Variants in BAZ2B observed in about 807,000 individuals in gnomAD.
BAZ2B encodes bromodomain adjacent to zinc finger domain protein 2B.
A neutral mutation model predicts 246.0 loss-of-function variants in BAZ2B; 91 were observed. The ratio of observed to expected loss-of-function variants is 0.37; its 90% CI spans 0.31 to 0.44. The LOEUF is 0.44. BAZ2B is among the 20% of genes least tolerant of loss of function. The pLI is 1.00. For synonymous variants in BAZ2B, 855 were observed against 860.0 expected (o/e 0.99, Z 0.10); for missense variants, 2,332 against 2,533.7 (o/e 0.92, Z 1.71).
chr2:159,324,678 AC>A, intron 36 of BAZ2B, 132 bp downstream of exon 36: 2 of 220,848 alleles, frequency 9.1e-6, no homozygotes, highest in Non-Finnish European at 1.6e-5. Context: ...ACACACACAC[AC>A]ACACACACAC....
intron 13 of BAZ2B, among the ~76,000 whole-genome samples, chr2:159,425,549 A>G (rs1022340080): frequency 2.0e-5 from 3 of 152,232 alleles, no homozygotes; most frequent in Admixed American, 1.3e-4. Context: ...AAATGTAGAA[A>G]GCAAAAAAAA....
chr2:159,710,586 G>A, the BAZ2B span: 3 of 152,286 alleles, frequency 2.0e-5, no homozygotes, highest in South Asian at 4.1e-4. Context: ...AAATCAGAGA[G>A]AGTACATTAA....
At chr2:159,637,477 GA>G in the BAZ2B span, among the ~76,000 whole-genome samples, 9 of 152,366 alleles carry the variant, frequency 5.9e-5, no homozygotes, top group African/African-American at 2.2e-4. Flanking sequence ...GTGGAAAGGA[GA>G]GGAAACACTG....
intron 14 of BAZ2B, among the ~76,000 whole-genome samples, chr2:159,410,976 A>G (rs2066747030): frequency 6.6e-6 from 1 of 152,218 alleles, no homozygotes; most frequent in South Asian, 2.1e-4. Flanking sequence ...ATGTGTGTAC[A>G]TATTTCTGGA....
chr2:159,384,169 A>C (rs2062345197), intron 23 of BAZ2B, among the ~76,000 whole-genome samples: 1 of 152,052 alleles, frequency 6.6e-6, no homozygotes, highest in Non-Finnish European at 1.5e-5. Flanking sequence ...TTACCAGTAA[A>C]GTCAAATAGG....
At chr2:159,406,325 T>A (rs559669227) in intron 14 of BAZ2B, among the ~76,000 whole-genome samples, 25 of 152,320 alleles carry the variant, frequency 1.6e-4, no homozygotes, top group Admixed American at 5.9e-4. Flanking sequence ...AGGGAGCAGT[T>A]GACCCTACAA....
At chr2:159,383,489 G>A (rs2062249378) in intron 24 of BAZ2B, 117 bp downstream of exon 24, 3 of 875,702 alleles carry the variant, frequency 3.4e-6, no homozygotes, top group Middle Eastern at 2.5e-4. Context: ...TCTAAATTGA[G>A]CATTATCTTT....
Position 159,412,360 on chromosome 2 carries a change from C to A in BAZ2B, c.2652G>T (p.Lys884Asn), listed in dbSNP as rs570669800. Residue 884 changes from lysine to asparagine, a missense_variant, in exon 14 of 37, where the codon AAG becomes AAT. By Grantham distance (94) the Lys-to-Asn change is moderately conservative. Around this residue, in one of 9 missense-constraint regions of BAZ2B, gnomAD observed 651 missense variants for 650.9 expected, o/e 1.00. Coordinates refer to ENST00000392783, the MANE Select transcript of BAZ2B (RefSeq NM_013450.4). ...CTTGAGCTTGCAGTTTTCTTAGCAACTTTGCATCTGCGTTATCTAGGAATT... is the reference window on the plus strand; with the variant it reads ...CTTGAGCTTGCAGTTTTCTTAGCAAATTTGCATCTGCGTTATCTAGGAATT... ...NAEFLDNADA[K>N]LLRKLQAQEI... is the part of the protein sequence containing the mutation. The A allele has an allele frequency of 1.9e-6, 3 of 1,614,150 alleles. No homozygotes were observed. In the African/African-American group the frequency reaches 4.0e-5, roughly 22 times the overall value.
chr2:159,393,990 A>G (rs2063665697), intron 20 of BAZ2B, among the ~76,000 whole-genome samples: 1 of 152,020 alleles, frequency 6.6e-6, no homozygotes, highest in South Asian at 2.1e-4. Flanking sequence ...AGATGATCTC[A>G]TTCTTACTAT....
intron 3 of BAZ2B, among the ~76,000 whole-genome samples, chr2:159,473,657 T>C (rs1559546673): frequency 6.6e-6 from 1 of 152,190 alleles, no homozygotes; most frequent in South Asian, 2.1e-4. Context: ...GATGTTAGGG[T>C]GTTGATTTTA....
the BAZ2B span, among the ~76,000 whole-genome samples, chr2:159,698,337 T>C: frequency 6.6e-5 from 10 of 151,524 alleles, no homozygotes; most frequent in African/African-American, 2.4e-4. Flanking sequence ...AGCGGGGCAA[T>C]ATAGCAATAC....
chr2:159,686,354 C>G, the BAZ2B span, among the ~76,000 whole-genome samples: 1 of 152,182 alleles, frequency 6.6e-6, no homozygotes, highest in African/African-American at 2.4e-5. Context: ...CATCTACCCT[C>G]TGATATGATG....
At chr2:159,575,398 G>A (rs990841159) in intron 1 of BAZ2B, among the ~76,000 whole-genome samples, 4 of 152,146 alleles carry the variant, frequency 2.6e-5, no homozygotes, top group African/African-American at 9.7e-5. Context: ...AATTCAACAG[G>A]CATGTATCAA....
At chr2:159,329,182 CT>C (rs1420139423) in intron 34 of BAZ2B, among the ~76,000 whole-genome samples, 1 of 151,228 alleles carries the variant, frequency 6.6e-6, no homozygotes, top group African/African-American at 2.4e-5. Flanking sequence ...ATCCAACCCC[CT>C]CATAACAAAA....
At chr2:159,414,026 G>A (rs1281781110) in intron 13 of BAZ2B, among the ~76,000 whole-genome samples, 1 of 152,128 alleles carries the variant, frequency 6.6e-6, no homozygotes, top group Non-Finnish European at 1.5e-5. Flanking sequence ...ATGTCAGATG[G>A]ATAAAGAAAA....
At chr2:159,671,666 A>T in the BAZ2B span, among the ~76,000 whole-genome samples, 1 of 152,148 alleles carries the variant, frequency 6.6e-6, no homozygotes, top group Non-Finnish European at 1.5e-5. Flanking sequence ...ATATTAGTCA[A>T]ACTAGCAGAA....
chr2:159,324,970 T>C lies in BAZ2B; in HGVS notation c.6210-16A>G, dbSNP rs2063245263. The C allele has an allele frequency of 6.7e-7, 1 of 1,489,204 alleles. No homozygotes were observed. The highest frequency in any genetic ancestry group is 8.8e-7 in the Non-Finnish European group (1 of 1,130,518). The allele number at this position is 1,489,204 out of a possible 1,614,324, so 92.2% of individuals were successfully genotyped here. Reference sequence around the variant, plus strand: ...CAGAATCATACTAAAGAAAATAATGTTTGAAATCAGTATCCATACTTTACA... The same window carrying C: ...CAGAATCATACTAAAGAAAATAATGCTTGAAATCAGTATCCATACTTTACA... On this transcript the variant is annotated splice_polypyrimidine_tract_variant and intron_variant, in intron 35 of 36. Coordinates refer to ENST00000392783, the MANE Select transcript of BAZ2B (RefSeq NM_013450.4).
chr2:159,668,131 G>A, the BAZ2B span, among the ~76,000 whole-genome samples: 2 of 151,816 alleles, frequency 1.3e-5, no homozygotes, highest in African/African-American at 4.8e-5. Context: ...TTTTTCTTTT[G>A]ATGAAATTTT....
intron 2 of BAZ2B, among the ~76,000 whole-genome samples, chr2:159,548,711 AT>A (rs1308841655): frequency 1.3e-5 from 2 of 152,160 alleles, no homozygotes; most frequent in Non-Finnish European, 2.9e-5. Flanking sequence ...AGGTGGAAGG[AT>A]TGCTTGAGGC....
Sources: allele counts gnomAD v4.1 joint callset (sites outside exome capture counted in the v4.1 genomes callset), GRCh38; gene constraint gnomAD v4.1.1; regional missense constraint gnomAD v4.1.1; transcripts MANE v1.5; gene names NCBI Gene and HGNC (gene_info 2026-07-23, HGNC 2026-07-21).